HEXB: variants seen among roughly 807,000 people sequenced by gnomAD.
HEXB encodes the protein hexosaminidase subunit beta, also known as beta-hexosaminidase subunit beta.
A neutral mutation model predicts 71.2 loss-of-function variants in HEXB; 51 were observed. The ratio of observed to expected loss-of-function variants is 0.72; its 90% CI spans 0.57 to 0.90. The LOEUF (loss-of-function observed/expected upper bound fraction) is 0.90. HEXB is among the 40% of genes least tolerant of loss of function. The pLI is 0.00. For missense variants in HEXB, 617 were observed against 677.0 expected, an observed-to-expected ratio of 0.91 and a Z score of 0.98; for synonymous variants, 266 against 249.3, an observed-to-expected ratio of 1.07 and a Z score of -0.63.
intron 1 of HEXB, among the ~76,000 whole-genome samples, chr5:74,668,293 T>C (rs11958029): frequency 0.29 from 44,316 of 151,618 alleles, 6,646 homozygotes; most frequent in Admixed American, 0.35. Flanking sequence ...TTTTGAATTC[T>C]GCTTTTCTCT....
chr5:74,692,712 G>A (rs1749030738), intron 2 of HEXB, among the ~76,000 whole-genome samples: 2 of 152,198 alleles, frequency 1.3e-5, no homozygotes, highest in African/African-American at 2.4e-5. Flanking sequence ...AATGGTGGTG[G>A]TGGTAGAAGG....
Position 74,685,383 on chromosome 5 carries a change from G to T in HEXB, c.123G>T (p.Glu41Asp). ...TQVALVVQVA[E>D]AARAPSVSAK... ...TGGCGCTGGTGGTGCAGGTGGCGGA[G>T]GCGGCTCGGGCCCCGAGCGTCTCGG... The change falls in exon 1 of 14, where the codon GAG becomes GAT. Residue 41 changes from glutamate (E) to aspartate (D), a missense_variant. Physicochemically the swap from Glu to Asp is conservative, Grantham distance 45. Coordinates refer to ENST00000261416, the MANE Select transcript of HEXB (RefSeq NM_000521.4). The T allele has an allele frequency of 6.3e-7, 1 of 1,592,066 alleles. No homozygotes were observed.
chr5:74,710,158 A>T (rs1365515508), intron 6 of HEXB, among the ~76,000 whole-genome samples: 1 of 152,302 alleles, frequency 6.6e-6, no homozygotes, highest in Non-Finnish European at 1.5e-5. Flanking sequence ...AATGTAATCC[A>T]GCATATAAAC....
At chr5:74,678,892 T>C (rs999868824) in intron 1 of HEXB, among the ~76,000 whole-genome samples, 10 of 152,164 alleles carry the variant, frequency 6.6e-5, no homozygotes, top group African/African-American at 1.9e-4. Flanking sequence ...AGGTTCTTAG[T>C]AGAAGTTATA....
chr5:74,682,315 T>G (rs1429470498), upstream of HEXB, among the ~76,000 whole-genome samples: 1 of 152,070 alleles, frequency 6.6e-6, no homozygotes, highest in African/African-American at 2.4e-5. Flanking sequence ...CCGAGATGGC[T>G]CCACTGCGCC....
chr5:74,716,732 A>T, intron 9 of HEXB, 59 bp downstream of exon 9: 1 of 1,081,192 alleles, frequency 9.2e-7, no homozygotes, highest in East Asian at 2.4e-5. Context: ...TTATTTAGTA[A>T]TGTGCTTTAT....
At chr5:74,680,811 A>G (rs1305171532), upstream of HEXB, among the ~76,000 whole-genome samples, 1 of 152,240 alleles carries the variant, frequency 6.6e-6, no homozygotes, top group East Asian at 1.9e-4. Flanking sequence ...GTCTTTAATT[A>G]AAGGTCTGAT....
At position 74,696,709 on chromosome 5, in the gene HEXB, C is replaced by A; in HGVS notation, c.528C>A (p.Ser176Arg). Residue 176 changes from serine (S) to arginine (R), a missense_variant, in exon 4 of 14, where the codon AGC (serine) becomes AGA (arginine). Ser to Arg is a moderately radical substitution (Grantham distance 110, BLOSUM62 -1). Coordinates refer to ENST00000261416, the MANE Select transcript of HEXB (RefSeq NM_000521.4). ...WGALRGLETF[S>R]QLVYQDSYGT... ...TTTCCTCAGGTTTAGAGACCTTTAG[C>A]CAGTTAGTTTATCAAGATTCTTATG... 1.4e-6 allele frequency: 2 copies of A among 1,437,862 alleles called. No individual in the cohort carries two copies. Among genetic ancestry groups the A allele is most frequent in the Non-Finnish European group, 2.0e-6 (2 of 1,020,738 alleles). 89.1% of individuals were successfully genotyped at this position (1,437,862 alleles called of 1,614,324 possible).
At chr5:74,676,948 G>A (rs1317899788) in intron 1 of HEXB, among the ~76,000 whole-genome samples, 7 of 151,984 alleles carry the variant, frequency 4.6e-5, no homozygotes, top group South Asian at 4.2e-4. Context: ...GTGCAGTGGC[G>A]GGATCTCGGC....
intron 1 of HEXB, among the ~76,000 whole-genome samples, chr5:74,675,226 C>G (rs1198868206): frequency 6.6e-6 from 1 of 152,134 alleles, no homozygotes; most frequent in Non-Finnish European, 1.5e-5. Context: ...GGTGATCAGA[C>G]ATCAAGGATG....
chr5:74,716,712 T>C, intron 9 of HEXB, 39 bp downstream of exon 9: 3 of 1,242,542 alleles, frequency 2.4e-6, no homozygotes, highest in Non-Finnish European at 3.5e-6. Flanking sequence ...TTAATGCTTT[T>C]TGTAAAAGTT....
chr5:74,699,545 G>A (rs1052466627), intron 5 of HEXB, among the ~76,000 whole-genome samples: 2 of 152,142 alleles, frequency 1.3e-5, no homozygotes, highest in Admixed American at 6.5e-5. Flanking sequence ...AAAATGATGG[G>A]ATTACAGATG....
At chr5:74,719,119 TTA>T in intron 11 of HEXB, 148 bp downstream of exon 11, 1 of 744,342 alleles carries the variant, frequency 1.3e-6, no homozygotes, top group South Asian at 1.5e-5. Context: ...CAACTATCTT[TTA>T]TGTTTGATCC....
intron 1 of HEXB, among the ~76,000 whole-genome samples, chr5:74,651,702 G>A (rs568946080): frequency 1.3e-5 from 2 of 152,308 alleles, no homozygotes; most frequent in East Asian, 3.9e-4. Flanking sequence ...CTCTTTTGAA[G>A]CATGAACCTT....
chr5:74,689,669 A>G (rs1748952660), intron 2 of HEXB, 196 bp downstream of exon 2: 2 of 603,090 alleles, frequency 3.3e-6, no homozygotes, highest in Non-Finnish European at 5.9e-6. Context: ...AAGTACAGTA[A>G]GTGCAGAAGA....
At chr5:74,672,356 G>A (rs951982719) in intron 1 of HEXB, among the ~76,000 whole-genome samples, 2 of 152,232 alleles carry the variant, frequency 1.3e-5, no homozygotes, top group Non-Finnish European at 2.9e-5. Flanking sequence ...TGAGCTTTCT[G>A]GTCCTTTGCA....
intron 1 of HEXB, among the ~76,000 whole-genome samples, chr5:74,669,286 C>A (rs890600408): frequency 1.3e-4 from 19 of 151,856 alleles, no homozygotes; most frequent in South Asian, 4.2e-4. Context: ...TTTCGACATA[C>A]AAAATTTAAT....
chr5:74,709,533 G>T (rs144485814), intron 6 of HEXB, among the ~76,000 whole-genome samples: 2,666 of 152,186 alleles, frequency 0.018, 38 homozygotes, highest in Middle Eastern at 0.065. Flanking sequence ...CAACAAAATT[G>T]ATAGAACGCT....
At chr5:74,661,281 C>G (rs560871599) in intron 1 of HEXB, among the ~76,000 whole-genome samples, 2 of 152,240 alleles carry the variant, frequency 1.3e-5, no homozygotes, top group South Asian at 4.1e-4. Flanking sequence ...TATCCTCTGA[C>G]TGAGAACGAG....
Sources: allele counts gnomAD v4.1 joint callset (sites outside exome capture counted in the v4.1 genomes callset), GRCh38; gene constraint gnomAD v4.1.1; transcripts MANE v1.5; gene names NCBI Gene and HGNC (gene_info 2026-07-23, HGNC 2026-07-21).